The following TTLL5 variants were observed in gnomAD, a reference collection of about 807,000 sequenced individuals.
The protein encoded by TTLL5 is tubulin polyglutamylase TTLL5.
In TTLL5, 132 loss-of-function variants were observed where a neutral mutation model predicts 168.4. The observed-to-expected ratio is 0.78, with a 90% CI of 0.68 to 0.91. TTLL5 has a LOEUF of 0.91. Among genes scored for constraint, TTLL5 ranks in the 40% least tolerant of loss-of-function variants. The pLI, the probability that TTLL5 is intolerant of heterozygous loss-of-function variation, is 0.00. For missense variants in TTLL5, 1,545 were observed against 1,581.5 expected (o/e 0.98, Z 0.39); for synonymous variants, 546 against 558.6 (o/e 0.98, Z 0.32).
intron 5 of TTLL5, chr14:75,684,070 G>C (rs184937020): frequency 6.8e-5 from 13 of 192,508 alleles, no homozygotes; most frequent in Non-Finnish European, 1.1e-4. Context: ...CACCACGCCC[G>C]GCCAGAAGAA....
At position 75,794,197 on chromosome 14, in the gene TTLL5, AAT is replaced by A. The variant is rs567462643; in HGVS notation, c.3171+1100_3171+1101del. Reference sequence around the variant, plus strand: ...GCCTAATGTGAAATAGGAAGCAAAGAATATTATAAGAACAATGTTGATTCTTG... The same window carrying A: ...GCCTAATGTGAAATAGGAAGCAAAGAATTATAAGAACAATGTTGATTCTTG... On this transcript the variant is annotated intron_variant, in intron 27 of 31. Transcript: ENST00000298832. Among the ~76,000 whole-genome samples, 34 of 152,302 alleles carry A rather than the reference AAT, an allele frequency of 2.2e-4. No individual in the cohort carries two copies. The East Asian group carries it at 6.4e-3, about 29-fold the overall frequency.
At chr14:75,820,297 T>C (rs139811330) in intron 28 of TTLL5, 136 bp downstream of exon 28, 70 of 892,348 alleles carry the variant, frequency 7.8e-5, no homozygotes, top group Non-Finnish European at 1.0e-4. Context: ...CTCGATCCTC[T>C]GGCACCTGAC....
chr14:75,750,903 T>A (rs1035323790), intron 17 of TTLL5, among the ~76,000 whole-genome samples: 3 of 152,184 alleles, frequency 2.0e-5, no homozygotes, highest in Admixed American at 6.5e-5. Context: ...TACTTACCCT[T>A]CCTTTTGTGA....
intron 29 of TTLL5, among the ~76,000 whole-genome samples, chr14:75,878,556 T>C (rs979264720): frequency 1.4e-4 from 21 of 152,320 alleles, no homozygotes; most frequent in African/African-American, 4.3e-4. Context: ...CCAGAACATA[T>C]GGCATGTGTT....
At chr14:75,689,244 CCT>C (rs1426218875) in intron 5 of TTLL5, among the ~76,000 whole-genome samples, 1 of 152,180 alleles carries the variant, frequency 6.6e-6, no homozygotes, top group Non-Finnish European at 1.5e-5. Flanking sequence ...GGTTTTCCAT[CCT>C]CTCTTGAGCC....
intron 9 of TTLL5, among the ~76,000 whole-genome samples, chr14:75,708,057 A>G (rs1049651136): frequency 2.0e-5 from 3 of 152,234 alleles, no homozygotes; most frequent in Admixed American, 1.3e-4. Flanking sequence ...GTTATTCTTC[A>G]GGATAGATGT....
intron 31 of TTLL5, among the ~76,000 whole-genome samples, chr14:75,943,733 A>G (rs985685611): frequency 6.6e-6 from 1 of 152,218 alleles, no homozygotes; most frequent in Non-Finnish European, 1.5e-5. Context: ...AAAATAATAG[A>G]TAACAGTGTT....
intron 26 of TTLL5, among the ~76,000 whole-genome samples, chr14:75,789,774 C>CAA (rs1035226964): frequency 6.6e-6 from 1 of 152,146 alleles, no homozygotes; most frequent in Admixed American, 6.5e-5. Context: ...TCAATATCAT[C>CAA]AAAGTTTCCA....
At chr14:75,775,400 G>T in intron 21 of TTLL5, 84 bp from the exon 22 acceptor site, 1 of 1,476,622 alleles carries the variant, frequency 6.8e-7, no homozygotes. Context: ...TTCCATCTCT[G>T]TTATATAATG....
intron 30 of TTLL5, among the ~76,000 whole-genome samples, 189 bp from the exon 31 acceptor site, chr14:75,901,953 T>C (rs1325206979): frequency 6.6e-6 from 1 of 152,196 alleles, no homozygotes; most frequent in Admixed American, 6.5e-5. Context: ...ATATATACTA[T>C]TTCAGAAGTG....
chr14:75,680,437 A>T (rs1287245987), intron 3 of TTLL5, among the ~76,000 whole-genome samples: 1 of 152,088 alleles, frequency 6.6e-6, no homozygotes, highest in Non-Finnish European at 1.5e-5. Flanking sequence ...TTGTATACGA[A>T]TTCTTTCCAT....
At chr14:75,712,814 G>T (rs564217564) in intron 9 of TTLL5, among the ~76,000 whole-genome samples, 3 of 151,880 alleles carry the variant, frequency 2.0e-5, no homozygotes. Context: ...ATTAGAAAGC[G>T]AAAAGGAAAT....
intron 18 of TTLL5, among the ~76,000 whole-genome samples, chr14:75,762,121 C>T (rs1047721853): frequency 4.6e-5 from 7 of 152,022 alleles, no homozygotes; most frequent in Admixed American, 2.0e-4. Flanking sequence ...GGGGGCTGGG[C>T]GTGGTGGCTC....
chr14:75,833,982 A>G (rs749335163), intron 28 of TTLL5, among the ~76,000 whole-genome samples: 5 of 152,202 alleles, frequency 3.3e-5, no homozygotes, highest in African/African-American at 1.2e-4. Flanking sequence ...TTTTCATTCA[A>G]CAGACATTAC....
chr14:75,709,142 TA>T, intron 9 of TTLL5: 1 of 749,622 alleles, frequency 1.3e-6, no homozygotes, highest in Non-Finnish European at 2.4e-6. Flanking sequence ...CACGACAAGC[TA>T]AAAAAGCCTG....
intron 30 of TTLL5, among the ~76,000 whole-genome samples, chr14:75,895,554 T>A (rs1248918168): frequency 1.3e-5 from 2 of 152,042 alleles, no homozygotes; most frequent in Non-Finnish European, 2.9e-5. Flanking sequence ...TTGGAAATTT[T>A]AAAAAAATAG....
At chr14:75,826,296 T>TATACACACAC (rs548406512) in intron 28 of TTLL5, among the ~76,000 whole-genome samples, 4 of 139,444 alleles carry the variant, frequency 2.9e-5, no homozygotes, top group East Asian at 2.1e-4. Flanking sequence ...AGGATACGCG[T>TATACACACAC]ACACACACAC....
At chr14:75,793,197 A>AC in intron 27 of TTLL5, 97 bp downstream of exon 27, 1 of 1,131,630 alleles carries the variant, frequency 8.8e-7, no homozygotes, top group Non-Finnish European at 1.2e-6. Context: ...ATTCCCATAT[A>AC]CTGATGCCTC....
At chr14:75,774,845 C>T (rs958825081) in intron 21 of TTLL5, among the ~76,000 whole-genome samples, 2 of 151,958 alleles carry the variant, frequency 1.3e-5, no homozygotes, top group African/African-American at 2.4e-5. Flanking sequence ...TGTGCCACCA[C>T]GTCAGGCTAA....
Sources: allele counts gnomAD v4.1 joint callset (sites outside exome capture counted in the v4.1 genomes callset), GRCh38; gene constraint gnomAD v4.1.1; transcripts MANE v1.5; gene names NCBI Gene and HGNC (gene_info 2026-07-23, HGNC 2026-07-21).